Variants in RNF2 observed in about 807,000 individuals in gnomAD.
RNF2 encodes E3 ubiquitin-protein ligase RING2.
Under a neutral mutation model 37.2 loss-of-function variants are expected in RNF2, and 6 were observed. That is an observed-to-expected ratio of 0.16 (90% CI 0.09 to 0.32). The LOEUF is 0.32. Ranked by LOEUF, RNF2 falls within the 10% of genes least tolerant of loss-of-function variation. The pLI is 1.00. For synonymous variants in RNF2, 133 were observed against 132.7 expected (o/e 1.00, Z -0.02); for missense variants, 251 against 404.0 (o/e 0.62, Z 3.25).
intron 1 of RNF2, among the ~76,000 whole-genome samples, chr1:185,079,225 A>G (rs1257350002): frequency 5.3e-5 from 8 of 152,076 alleles, no homozygotes; most frequent in African/African-American, 1.9e-4. Flanking sequence ...TGTTTCGGAT[A>G]TATCTTTTTT....
chr1:185,055,386 C>T (rs542881216), intron 1 of RNF2, among the ~76,000 whole-genome samples: 2 of 152,154 alleles, frequency 1.3e-5, no homozygotes, highest in Non-Finnish European at 2.9e-5. Context: ...TTTATTTTGG[C>T]TAGAAATTAC....
At chr1:185,064,513 G>A (rs1462340188) in intron 1 of RNF2, among the ~76,000 whole-genome samples, 1 of 152,144 alleles carries the variant, frequency 6.6e-6, no homozygotes, top group Non-Finnish European at 1.5e-5. Context: ...CTTGTGATGG[G>A]GCTGCATCTG....
intron 1 of RNF2, among the ~76,000 whole-genome samples, chr1:185,071,219 A>G (rs1225413157): frequency 1.3e-5 from 2 of 152,208 alleles, no homozygotes; most frequent in African/African-American, 2.4e-5. Context: ...AGGGTAGGCC[A>G]AGGGATGATT....
intron 4 of RNF2, 129 bp downstream of exon 4, chr1:185,093,405 G>T (rs935151628): frequency 1.5e-5 from 11 of 749,290 alleles, no homozygotes; most frequent in Admixed American, 7.6e-5. Flanking sequence ...TTTCGTGCAG[G>T]TATAATACAT....
chr1:185,076,238 C>CCTTCTTTTCTTCTAGATCT (rs1233776335), intron 1 of RNF2, among the ~76,000 whole-genome samples: 2 of 109,122 alleles, frequency 1.8e-5, no homozygotes, highest in African/African-American at 6.6e-5. Flanking sequence ...TTTAGGCTGC[C>CCTTCTTTTCTTCTAGATCT]CTTCTTTTCT....
At chr1:185,057,169 G>A (rs1368105221) in intron 1 of RNF2, among the ~76,000 whole-genome samples, 1 of 151,964 alleles carries the variant, frequency 6.6e-6, no homozygotes, top group East Asian at 1.9e-4. Context: ...AAATTAGCTG[G>A]GTGTGGTGGT....
chr1:185,093,268 C>A lies in RNF2; in HGVS notation c.456C>A (p.Ala152=), dbSNP rs534265538. ...TTGAGGAAGGACTGAAGATACAGGCCATGAACAGGTATATGGGAAAGAGGG... is the reference window on the plus strand; with the variant it reads ...TTGAGGAAGGACTGAAGATACAGGCAATGAACAGGTATATGGGAAAGAGGG... ...HSIEEGLKIQ[A]MNRLQRGKKQ... The change falls in exon 4 of 7, where the codon GCC becomes GCA. Residue 152 remains alanine (A), a synonymous_variant. Coordinates refer to ENST00000367510, the MANE Select transcript of RNF2 (RefSeq NM_007212.4). 6.2e-7 allele frequency: 1 copy of A among 1,613,446 alleles called. No homozygotes were observed. The highest frequency in any genetic ancestry group is 1.6e-4 in the Middle Eastern group (1 of 6,062).
intron 5 of RNF2, among the ~76,000 whole-genome samples, chr1:185,099,467 G>A (rs1652013902): frequency 6.6e-6 from 1 of 152,128 alleles, no homozygotes; most frequent in African/African-American, 2.4e-5. Flanking sequence ...TTAGGGTTTG[G>A]GGGGTATGTT....
At chr1:185,082,367 T>TTTTTTTTTTTTTTTA (rs60213064) in intron 1 of RNF2, among the ~76,000 whole-genome samples, 1 of 113,204 alleles carries the variant, frequency 8.8e-6, no homozygotes, top group African/African-American at 3.5e-5. Flanking sequence ...TTTTTTTTTT[T>TTTTTTTTTTTTTTTA]GAAGACAGAG....
At chr1:185,058,089 G>A (rs1023660448) in intron 1 of RNF2, among the ~76,000 whole-genome samples, 6 of 152,164 alleles carry the variant, frequency 3.9e-5, no homozygotes, top group African/African-American at 7.2e-5. Context: ...TTGCGCCTTT[G>A]CATTCCAGCA....
At chr1:185,069,210 T>C (rs919801968) in intron 1 of RNF2, among the ~76,000 whole-genome samples, 1 of 152,188 alleles carries the variant, frequency 6.6e-6, no homozygotes, top group African/African-American at 2.4e-5. Flanking sequence ...CCCAGCACTT[T>C]GCAAGGCCAA....
At chr1:185,083,940 A>T (rs1651504436) in intron 1 of RNF2, among the ~76,000 whole-genome samples, 2 of 111,434 alleles carry the variant, frequency 1.8e-5, no homozygotes, top group African/African-American at 3.9e-5. Context: ...TCTTTTCCTT[A>T]AAAAAAAAAA....
At position 185,102,277 on chromosome 1, in the gene RNF2, G is replaced by C. The variant is rs1652099181; in HGVS notation, c.*1976G>C. The C allele has an allele frequency of 6.6e-6, 1 of 152,030 alleles. No individual in the cohort carries two copies. Among genetic ancestry groups the C allele is most frequent in the Admixed American group, 6.6e-5 (1 of 15,250 alleles). The allele number at this position is 152,030 out of a possible 1,614,324, so 9.4% of individuals were successfully genotyped here. ...GTGGATGTGTGTTTTGGGGTACGGGGAGAGGCGATGCTATTGGCCATCACT... is the reference window on the plus strand; with the variant it reads ...GTGGATGTGTGTTTTGGGGTACGGGCAGAGGCGATGCTATTGGCCATCACT... On this transcript the variant is annotated 3_prime_UTR_variant, in exon 7 of 7. Coordinates refer to ENST00000367510, the MANE Select transcript of RNF2 (RefSeq NM_007212.4).
chr1:185,060,096 A>C (rs533122946), intron 1 of RNF2, among the ~76,000 whole-genome samples: 1 of 152,238 alleles, frequency 6.6e-6, no homozygotes, highest in Non-Finnish European at 1.5e-5. Flanking sequence ...AAGGATAACA[A>C]TCTTGGAATA....
chr1:185,088,805 A>G (rs550325723), intron 2 of RNF2, among the ~76,000 whole-genome samples: 2 of 152,328 alleles, frequency 1.3e-5, no homozygotes, highest in South Asian at 2.1e-4. Flanking sequence ...AATAAGTACT[A>G]TGTTGAATCC....
chr1:185,077,484 A>G (rs891634335), intron 1 of RNF2, among the ~76,000 whole-genome samples: 37 of 152,176 alleles, frequency 2.4e-4, no homozygotes, highest in African/African-American at 6.0e-4. Flanking sequence ...GAATGTTTCT[A>G]TTTATTTCTA....
chr1:185,049,872 A>AG (rs1396846058), intron 1 of RNF2, among the ~76,000 whole-genome samples: 1 of 152,200 alleles, frequency 6.6e-6, no homozygotes, highest in Non-Finnish European at 1.5e-5. Context: ...GCTAACTGCC[A>AG]GGGTCAGGGG....
chr1:185,061,582 C>A (rs1416962102), intron 1 of RNF2, among the ~76,000 whole-genome samples: 2 of 152,078 alleles, frequency 1.3e-5, no homozygotes, highest in South Asian at 4.1e-4. Flanking sequence ...ACTAGCTATT[C>A]TCTTTAAGAC....
chr1:185,089,508 A>T (rs1557972936), intron 2 of RNF2, among the ~76,000 whole-genome samples: 1 of 152,110 alleles, frequency 6.6e-6, no homozygotes, highest in African/African-American at 2.4e-5. Context: ...ACCTGAGTAG[A>T]TTGTACAAGT....
Sources: allele counts gnomAD v4.1 joint callset (sites outside exome capture counted in the v4.1 genomes callset), GRCh38; gene constraint gnomAD v4.1.1; transcripts MANE v1.5; gene names NCBI Gene and HGNC (gene_info 2026-07-23, HGNC 2026-07-21).